The following NAV3 variants were observed in gnomAD, a reference collection of about 807,000 sequenced individuals.
NAV3 encodes the protein pore membrane and/or filament interacting like protein 1.
In NAV3, 87 loss-of-function variants were observed where a neutral mutation model predicts 244.7. The observed-to-expected ratio is 0.36, with a 90% CI of 0.30 to 0.42. The LOEUF is 0.42. Among genes scored for constraint, NAV3 ranks in the 20% least tolerant of loss-of-function variants. NAV3 has a pLI of 1.00. For synonymous variants in NAV3, 1,126 were observed against 1,042.2 expected (o/e 1.08, Z -1.55); for missense variants, 2,663 against 2,893.3 (o/e 0.92, Z 1.83).
rs527578681 is a variant in NAV3, at chr12:78,103,345, C to T, written c.2637-13427C>T. On this transcript the variant is annotated intron_variant, in intron 12 of 39. Coordinates refer to ENST00000397909, the MANE Select transcript of NAV3 (RefSeq NM_001024383.2). ...TCTCAGCAAGTTCCTCATCTCCATC[C>T]GAGACAACCTCAGCCTGGTCCTTAT... Among the ~76,000 whole-genome samples the T allele has an allele frequency of 2.0e-5, 3 of 152,232 alleles. No homozygotes were observed. In the East Asian group the frequency reaches 5.8e-4, roughly 29 times the overall value.
At chr12:78,039,552 G>GTA (rs1880497672) in intron 9 of NAV3, among the ~76,000 whole-genome samples, 1 of 152,070 alleles carries the variant, frequency 6.6e-6, no homozygotes, top group African/African-American at 2.4e-5. Flanking sequence ...TCAGGAAGCT[G>GTA]TACTCTACAT....
intron 2 of NAV3, among the ~76,000 whole-genome samples, chr12:77,756,236 G>C (rs1322405668): frequency 1.3e-5 from 2 of 152,056 alleles, no homozygotes; most frequent in African/African-American, 4.8e-5. Flanking sequence ...GTTATTAAAA[G>C]CAAGTGTTTA....
intron 2 of NAV3, among the ~76,000 whole-genome samples, chr12:77,748,330 A>G (rs1413088419): frequency 6.6e-6 from 1 of 152,200 alleles, no homozygotes; most frequent in East Asian, 1.9e-4. Context: ...CTGTGGTTTG[A>G]TTTACTTGCT....
Position 77,902,536 on chromosome 12 carries a change from A to T in NAV3, c.244-37783A>T, listed in dbSNP as rs540191874. ...GCTGGATTAACCCACAGCCAATATC[A>T]TACTGAATGGGCAAAAACTGGAAGC... On this transcript the variant is annotated intron_variant, in intron 1 of 39. Transcript: ENST00000397909. Among the ~76,000 whole-genome samples the T allele has an allele frequency of 1.6e-4, 24 of 152,302 alleles. No individual in the cohort carries two copies. In the East Asian group the frequency reaches 4.2e-3, roughly 27 times the overall value.
chr12:77,694,251 G>A (rs550848579), intron 2 of NAV3, among the ~76,000 whole-genome samples: 4 of 151,858 alleles, frequency 2.6e-5, no homozygotes, highest in African/African-American at 9.7e-5. Context: ...TGGATCTTGA[G>A]GTCAGGAGAT....
chr12:77,837,314 G>A (rs1874828130), intron 1 of NAV3, among the ~76,000 whole-genome samples: 2 of 151,592 alleles, frequency 1.3e-5, no homozygotes, highest in Non-Finnish European at 2.9e-5. Context: ...TAATATTTAT[G>A]GAAAACAGCA....
At chr12:77,928,821 T>C (rs1206549977) in intron 1 of NAV3, among the ~76,000 whole-genome samples, 3 of 152,214 alleles carry the variant, frequency 2.0e-5, no homozygotes, top group Non-Finnish European at 4.4e-5. Flanking sequence ...GCTACAATTT[T>C]AAACAGATAA....
At chr12:78,007,923 C>G (rs185574948) in intron 8 of NAV3, among the ~76,000 whole-genome samples, 27 of 152,272 alleles carry the variant, frequency 1.8e-4, no homozygotes, top group African/African-American at 6.5e-4. Flanking sequence ...AGTTCTGCCA[C>G]TTTTCAGCTA....
chr12:77,897,767 T>C (rs1884796695), intron 1 of NAV3, among the ~76,000 whole-genome samples: 1 of 152,132 alleles, frequency 6.6e-6, no homozygotes, highest in Non-Finnish European at 1.5e-5. Context: ...GTAATATGTC[T>C]TTATTCATTG....
chr12:77,840,082 A>G (rs1275047609), intron 1 of NAV3, among the ~76,000 whole-genome samples: 1 of 152,170 alleles, frequency 6.6e-6, no homozygotes, highest in East Asian at 1.9e-4. Context: ...AAAAAATAAA[A>G]AAATAAAAAT....
chr12:77,954,325 A>G (rs1190722639), intron 3 of NAV3, among the ~76,000 whole-genome samples: 5 of 152,166 alleles, frequency 3.3e-5, no homozygotes. Context: ...CCAGTTGTGT[A>G]GTAAGCCTGA....
At chr12:78,114,356 C>T (rs539726842) in intron 12 of NAV3, among the ~76,000 whole-genome samples, 8 of 152,066 alleles carry the variant, frequency 5.3e-5, no homozygotes, top group Non-Finnish European at 1.0e-4. Flanking sequence ...TTTACCATAT[C>T]CATTTATTCT....
intron 1 of NAV3, among the ~76,000 whole-genome samples, chr12:77,856,885 G>A (rs1166649371): frequency 6.6e-6 from 1 of 152,034 alleles, no homozygotes; most frequent in Admixed American, 6.6e-5. Flanking sequence ...GATCTTGAGT[G>A]GATCTAAATT....
At chr12:77,910,009 A>AT (rs931245527) in intron 1 of NAV3, among the ~76,000 whole-genome samples, 3 of 152,090 alleles carry the variant, frequency 2.0e-5, no homozygotes, top group Non-Finnish European at 4.4e-5. Context: ...CGATGTTAAG[A>AT]TTTTTAACAG....
intron 5 of NAV3, among the ~76,000 whole-genome samples, chr12:77,979,041 T>C (rs1869035850): frequency 1.3e-5 from 2 of 151,598 alleles, no homozygotes; most frequent in African/African-American, 4.8e-5. Flanking sequence ...AATTTCAAAT[T>C]TGAAAAATTA....
intron 2 of NAV3, among the ~76,000 whole-genome samples, chr12:77,750,792 T>A (rs919742981): frequency 6.6e-6 from 1 of 152,148 alleles, no homozygotes; most frequent in Admixed American, 6.5e-5. Flanking sequence ...TTCATATAGA[T>A]TTTATTCCAA....
At chr12:78,079,527 G>T (rs186570786) in intron 12 of NAV3, among the ~76,000 whole-genome samples, 84 of 152,186 alleles carry the variant, frequency 5.5e-4, no homozygotes, top group Non-Finnish European at 1.1e-3. Flanking sequence ...TTAAAAGGAC[G>T]ATTATAAAGA....
At chr12:78,026,552 T>C (rs1171767577) in intron 9 of NAV3, among the ~76,000 whole-genome samples, 1 of 152,166 alleles carries the variant, frequency 6.6e-6, no homozygotes, top group Non-Finnish European at 1.5e-5. Context: ...CAGAAACAAA[T>C]GGTGTATATG....
chr12:78,145,436 C>A (rs1279277644), intron 20 of NAV3, among the ~76,000 whole-genome samples: 15 of 152,302 alleles, frequency 9.8e-5, no homozygotes, highest in African/African-American at 2.9e-4. Context: ...TAATCTAGAA[C>A]TATACCAAAA....
Sources: gnomAD v4.1 joint callset for allele counts (sites outside exome capture counted in the v4.1 genomes callset) on GRCh38, gnomAD v4.1.1 for gene constraint, MANE v1.5 for transcripts, NCBI Gene and HGNC (gene_info 2026-07-23, HGNC 2026-07-21) for gene names.